The following VTI1A variants were observed in gnomAD, a reference collection of about 807,000 sequenced individuals.
VTI1A encodes vesicle transport through interaction with t-SNAREs 1A, also known as vesicle transport through interaction with t-SNAREs homolog 1A.
In VTI1A, 22 loss-of-function variants were observed where a neutral mutation model predicts 34.9. The ratio of observed to expected loss-of-function variants is 0.63; its 90% CI spans 0.45 to 0.90. The LOEUF (loss-of-function observed/expected upper bound fraction) is 0.90. Ranked by LOEUF, VTI1A falls within the 40% of genes least tolerant of loss-of-function variation. The probability of loss-of-function intolerance (pLI) is 0.00; values close to 1 mark genes in which losing one functional copy is unlikely to be tolerated. For missense variants in VTI1A, 268 were observed against 275.6 expected, an observed-to-expected ratio of 0.97 and a Z score of 0.20; for synonymous variants, 87 against 97.3, an observed-to-expected ratio of 0.89 and a Z score of 0.62.
intron 7 of VTI1A, among the ~76,000 whole-genome samples, chr10:112,680,231 C>T (rs535863813): frequency 3.3e-5 from 5 of 152,222 alleles, no homozygotes; most frequent in Middle Eastern, 3.4e-3. Flanking sequence ...GTCAAAAGTA[C>T]GTCCTTAAAG....
chr10:112,731,567 C>G (rs1227240961), intron 7 of VTI1A, among the ~76,000 whole-genome samples: 2 of 132,228 alleles, frequency 1.5e-5, no homozygotes, highest in Non-Finnish European at 3.1e-5. Context: ...AAGAGTGAAA[C>G]TCCATCTCAA....
At chr10:112,637,089 G>T (rs1324984131) in intron 5 of VTI1A, among the ~76,000 whole-genome samples, 1 of 152,074 alleles carries the variant, frequency 6.6e-6, no homozygotes, top group Non-Finnish European at 1.5e-5. Context: ...TTTTTGAATG[G>T]TTCCAATAGA....
intron 7 of VTI1A, among the ~76,000 whole-genome samples, chr10:112,795,107 C>T (rs1852624008): frequency 1.3e-5 from 2 of 152,162 alleles, no homozygotes; most frequent in Admixed American, 6.5e-5. Flanking sequence ...GCATCATAGC[C>T]GTTTGGAACT....
intron 2 of VTI1A, 97 bp from the exon 3 acceptor site, chr10:112,464,450 A>G: frequency 9.0e-7 from 1 of 1,105,842 alleles, no homozygotes. Context: ...CTCAACTACA[A>G]AATGAGGAAC....
chr10:112,477,666 G>A (rs999270915), intron 3 of VTI1A, among the ~76,000 whole-genome samples: 12 of 152,090 alleles, frequency 7.9e-5, no homozygotes, highest in Non-Finnish European at 1.0e-4. Context: ...CATGGCATTG[G>A]CCTTGGTGTG....
chr10:112,838,648 C>T, the VTI1A span, among the ~76,000 whole-genome samples: 1 of 152,050 alleles, frequency 6.6e-6, no homozygotes, highest in Non-Finnish European at 1.5e-5. Flanking sequence ...TACCAGGTGA[C>T]TTGAAGGGCA....
intron 3 of VTI1A, among the ~76,000 whole-genome samples, chr10:112,494,570 G>A (rs901243375): frequency 2.0e-5 from 3 of 151,820 alleles, no homozygotes; most frequent in Admixed American, 1.3e-4. Context: ...ATGCAGTGGC[G>A]CCATCTCAGC....
intron 5 of VTI1A, among the ~76,000 whole-genome samples, chr10:112,667,084 A>G (rs931201244): frequency 2.0e-5 from 3 of 152,138 alleles, no homozygotes; most frequent in Non-Finnish European, 4.4e-5. Flanking sequence ...CTTTAAAAAA[A>G]AAAGTCTAGC....
At chr10:112,487,583 A>G (rs920658230) in intron 3 of VTI1A, among the ~76,000 whole-genome samples, 4 of 152,116 alleles carry the variant, frequency 2.6e-5, no homozygotes, top group Admixed American at 1.3e-4. Flanking sequence ...CTGTAATCAA[A>G]TTAATCGGAC....
chr10:112,849,877 G>A, the VTI1A span, among the ~76,000 whole-genome samples: 3 of 152,176 alleles, frequency 2.0e-5, no homozygotes, highest in East Asian at 3.9e-4. Flanking sequence ...CAGCCCTGGC[G>A]AGGTGGGTGC....
At position 112,816,981 on chromosome 10, in the gene VTI1A, G is replaced by A. The variant is rs947314771; in HGVS notation, c.*1598G>A. On this transcript the variant is annotated 3_prime_UTR_variant, in exon 8 of 8. Coordinates refer to ENST00000393077, the MANE Select transcript of VTI1A (RefSeq NM_145206.4). ...GCAGCCTTTACTTCGGAGGGATGGT[G>A]TGGGATTTTGGCCGAGGGAAGCAGG... 1.3e-5 allele frequency: 3 copies of A among 231,948 alleles called. No homozygotes were observed. The highest frequency in any genetic ancestry group is 6.6e-5 in the African/African-American group (3 of 45,298). The allele number at this position is 231,948 out of a possible 1,614,324, so 14.4% of individuals were successfully genotyped here. A position where few individuals can be genotyped will look rare whatever the true frequency, so the allele number is the denominator to read the frequency against.
intron 5 of VTI1A, among the ~76,000 whole-genome samples, chr10:112,574,555 T>C (rs1319767651): frequency 1.3e-5 from 2 of 152,264 alleles, no homozygotes. Flanking sequence ...ATGAGCTGTG[T>C]AACTTTGGGT....
At chr10:112,630,136 T>C (rs534449504) in intron 5 of VTI1A, among the ~76,000 whole-genome samples, 4 of 152,188 alleles carry the variant, frequency 2.6e-5, no homozygotes, top group Non-Finnish European at 5.9e-5. Context: ...ACAGACTTGA[T>C]TATTAGGGGT....
chr10:112,631,054 G>A (rs982312583), intron 5 of VTI1A, among the ~76,000 whole-genome samples: 1 of 151,928 alleles, frequency 6.6e-6, no homozygotes. Flanking sequence ...CCCGGGAGCC[G>A]GGAGGTGGAG....
At chr10:112,474,057 A>G (rs1217911671) in intron 3 of VTI1A, among the ~76,000 whole-genome samples, 4 of 152,018 alleles carry the variant, frequency 2.6e-5, no homozygotes, top group African/African-American at 9.7e-5. Context: ...TTATTTGGAT[A>G]TGACTATGAC....
At chr10:112,593,777 C>T (rs1844494801) in intron 5 of VTI1A, among the ~76,000 whole-genome samples, 2 of 152,096 alleles carry the variant, frequency 1.3e-5, no homozygotes, top group Admixed American at 1.3e-4. Context: ...TGCTCTGTCA[C>T]TCAGGCTGGA....
intron 5 of VTI1A, among the ~76,000 whole-genome samples, chr10:112,613,174 G>GAT (rs1430465468): frequency 6.6e-6 from 1 of 152,018 alleles, no homozygotes; most frequent in East Asian, 1.9e-4. Context: ...TTAATAACGG[G>GAT]ATATACTATT....
At chr10:112,548,986 C>G (rs1851243702) in intron 5 of VTI1A, 10 of 625,604 alleles carry the variant, frequency 1.6e-5, no homozygotes, top group East Asian at 1.1e-4. Context: ...TCCTTCCCTG[C>G]CCTCCTGCCT....
intron 5 of VTI1A, among the ~76,000 whole-genome samples, chr10:112,580,134 G>A (rs1008868484): frequency 4.6e-5 from 7 of 152,214 alleles, no homozygotes; most frequent in African/African-American, 1.7e-4. Context: ...ATGCCAGCAT[G>A]AAGGAACCTC....
Sources: allele counts gnomAD v4.1 joint callset (sites outside exome capture counted in the v4.1 genomes callset), GRCh38; gene constraint gnomAD v4.1.1; transcripts MANE v1.5; gene names NCBI Gene and HGNC (gene_info 2026-07-23, HGNC 2026-07-21).